CDKAL1: variants seen among roughly 807,000 people sequenced by gnomAD.
CDKAL1 encodes CDKAL1 threonylcarbamoyladenosine tRNA methylthiotransferase.
Under a neutral mutation model 68.2 loss-of-function variants are expected in CDKAL1, and 32 were observed. That is an observed-to-expected ratio of 0.47 (90% CI 0.35 to 0.63). The LOEUF is 0.63. Ranked by LOEUF, CDKAL1 falls within the 30% of genes least tolerant of loss-of-function variation. The pLI, the probability that CDKAL1 is intolerant of heterozygous loss-of-function variation, is 0.00. For synonymous variants in CDKAL1, 234 were observed against 244.3 expected, an observed-to-expected ratio of 0.96 and a Z score of 0.39; for missense variants, 606 against 696.7, an observed-to-expected ratio of 0.87 and a Z score of 1.47.
At chr6:20,897,865 A>G (rs1462041855) in intron 9 of CDKAL1, among the ~76,000 whole-genome samples, 1 of 152,146 alleles carries the variant, frequency 6.6e-6, no homozygotes, top group Non-Finnish European at 1.5e-5. Context: ...AAGTACATTT[A>G]TTTCATTATT....
chr6:21,199,298 CAG>C (rs756227949), intron 14 of CDKAL1, among the ~76,000 whole-genome samples: 17 of 152,308 alleles, frequency 1.1e-4, no homozygotes, highest in Middle Eastern at 3.4e-3. Context: ...CCCCAGGAAA[CAG>C]GGGAGCTTTT....
intron 2 of CDKAL1, among the ~76,000 whole-genome samples, chr6:20,537,614 C>CAA (rs543824204): frequency 4.2e-5 from 5 of 120,272 alleles, no homozygotes; most frequent in African/African-American, 8.3e-5. Flanking sequence ...CTCATAATTA[C>CAA]AAAAAAAAAA....
chr6:20,574,121 A>G (rs1468674500), intron 4 of CDKAL1, among the ~76,000 whole-genome samples: 2 of 152,094 alleles, frequency 1.3e-5, no homozygotes, highest in African/African-American at 4.8e-5. Context: ...GTCCTCATGG[A>G]TTGTTTCATA....
At chr6:20,854,945 T>G (rs910707092) in intron 9 of CDKAL1, among the ~76,000 whole-genome samples, 1 of 152,192 alleles carries the variant, frequency 6.6e-6, no homozygotes, top group Non-Finnish European at 1.5e-5. Context: ...ACATGTGGTT[T>G]TTAAAATCAA....
chr6:20,929,595 C>T (rs1490392361), intron 9 of CDKAL1, among the ~76,000 whole-genome samples: 1 of 152,182 alleles, frequency 6.6e-6, no homozygotes, highest in Non-Finnish European at 1.5e-5. Context: ...CCTTTTTTAA[C>T]GTTCAAAAGT....
At chr6:21,038,737 A>C (rs1299950559) in intron 11 of CDKAL1, among the ~76,000 whole-genome samples, 2 of 152,126 alleles carry the variant, frequency 1.3e-5, no homozygotes, top group Non-Finnish European at 2.9e-5. Context: ...TGTATGGCCC[A>C]AGACAATTCT....
At chr6:21,149,950 T>C (rs947250320) in intron 13 of CDKAL1, among the ~76,000 whole-genome samples, 39 of 152,260 alleles carry the variant, frequency 2.6e-4, no homozygotes, top group Non-Finnish European at 4.3e-4. Context: ...CTCCGCCTCC[T>C]GGGTTCACGC....
chr6:20,783,723 A>G (rs955495732), intron 8 of CDKAL1, among the ~76,000 whole-genome samples: 1 of 152,160 alleles, frequency 6.6e-6, no homozygotes, highest in African/African-American at 2.4e-5. Context: ...GGCACTTTAC[A>G]CACTATGTCA....
At chr6:20,731,712 G>A (rs113703692) in intron 5 of CDKAL1, among the ~76,000 whole-genome samples, 3 of 152,196 alleles carry the variant, frequency 2.0e-5, no homozygotes, top group Admixed American at 6.5e-5. Context: ...GAGACAAGCT[G>A]TCTATCAGGT....
chr6:20,987,076 GT>G (rs1444790526), intron 10 of CDKAL1, among the ~76,000 whole-genome samples: 2 of 152,120 alleles, frequency 1.3e-5, no homozygotes, highest in Non-Finnish European at 2.9e-5. Flanking sequence ...TTTGTCTATA[GT>G]TGATTGGTTT....
At chr6:20,812,502 C>T (rs554649363) in intron 8 of CDKAL1, among the ~76,000 whole-genome samples, 1 of 152,258 alleles carries the variant, frequency 6.6e-6, no homozygotes, top group Non-Finnish European at 1.5e-5. Context: ...GTTTTCATCA[C>T]TTCCAAATTT....
chr6:20,873,725 G>A (rs1278946528), intron 9 of CDKAL1, among the ~76,000 whole-genome samples: 2 of 152,088 alleles, frequency 1.3e-5, no homozygotes, highest in East Asian at 1.9e-4. Context: ...ATTTATTTCC[G>A]TGGGTGTTTT....
At chr6:20,931,896 C>T (rs575691423) in intron 9 of CDKAL1, among the ~76,000 whole-genome samples, 4 of 152,234 alleles carry the variant, frequency 2.6e-5, no homozygotes, top group South Asian at 4.1e-4. Flanking sequence ...ACTCTTCAGT[C>T]GATTGATTTT....
chr6:21,118,205 A>C (rs1484495305), intron 13 of CDKAL1, among the ~76,000 whole-genome samples: 3 of 152,352 alleles, frequency 2.0e-5, no homozygotes, highest in South Asian at 4.1e-4. Context: ...ATATTGAGAC[A>C]TACTGAGAAA....
chr6:20,921,172 T>G (rs77908546), intron 9 of CDKAL1, among the ~76,000 whole-genome samples: 4 of 152,310 alleles, frequency 2.6e-5, no homozygotes, highest in Admixed American at 6.5e-5. Context: ...GGCTCATGCC[T>G]GTAATCTCAG....
At position 20,914,355 on chromosome 6, in the gene CDKAL1, G is replaced by A. The variant is rs1027063873; in HGVS notation, c.743-41064G>A. On this transcript the variant is annotated intron_variant, in intron 9 of 15. Coordinates refer to ENST00000274695, the MANE Select transcript of CDKAL1 (RefSeq NM_017774.3). ...CATGCCATTTTCTCAGAAAGGTCTT[G>A]CCTGTCCACTCTCTCTAAAATGCAC... 3.9e-5 allele frequency among the ~76,000 whole-genome samples: 6 copies of A among 152,128 alleles called. No individual in the cohort carries two copies. The East Asian group carries it at 5.8e-4, about 15-fold the overall frequency.
intron 12 of CDKAL1, among the ~76,000 whole-genome samples, chr6:21,085,873 A>C (rs1174373370): frequency 1.3e-5 from 2 of 152,220 alleles, no homozygotes; most frequent in Non-Finnish European, 2.9e-5. Flanking sequence ...TGCTAATTGC[A>C]TCAGAGTGGA....
chr6:20,759,131 C>T (rs1262498170), intron 7 of CDKAL1, among the ~76,000 whole-genome samples: 2 of 151,676 alleles, frequency 1.3e-5, no homozygotes, highest in African/African-American at 4.9e-5. Flanking sequence ...ACAGTGACAC[C>T]CTGTCTTTAA....
intron 5 of CDKAL1, among the ~76,000 whole-genome samples, chr6:20,686,046 TATCCTGA>T (rs1770602143): frequency 6.6e-6 from 1 of 151,762 alleles, no homozygotes; most frequent in Non-Finnish European, 1.5e-5. Flanking sequence ...ATTAATTATG[TATCCTGA>T]AACCTTGCTA....
Sources: gnomAD v4.1 joint callset for allele counts (sites outside exome capture counted in the v4.1 genomes callset) on GRCh38, gnomAD v4.1.1 for gene constraint, MANE v1.5 for transcripts, NCBI Gene and HGNC (gene_info 2026-07-23, HGNC 2026-07-21) for gene names.